KIAA1614: variants seen among roughly 807,000 people sequenced by gnomAD.
KIAA1614 encodes the protein uncharacterized protein KIAA1614.
Under a neutral mutation model 88.7 loss-of-function variants are expected in KIAA1614, and 76 were observed. The ratio of observed to expected loss-of-function variants is 0.86; its 90% CI spans 0.71 to 1.04. The LOEUF is 1.04. Ranked by LOEUF, KIAA1614 falls within the 50% of genes least tolerant of loss-of-function variation. The probability of loss-of-function intolerance (pLI) is 0.00; values close to 1 mark genes in which losing one functional copy is unlikely to be tolerated. For missense variants in KIAA1614, 1,553 were observed against 1,582.5 expected (o/e 0.98, Z 0.32); for synonymous variants, 714 against 675.5 (o/e 1.06, Z -0.88).
chr1:180,925,247 C>G (rs12041548), intron 3 of KIAA1614, among the ~76,000 whole-genome samples: 16,254 of 152,252 alleles, frequency 0.11, 965 homozygotes, highest in African/African-American at 0.16. Flanking sequence ...AGAATCAGTT[C>G]CAGGTGCACC....
intron 3 of KIAA1614, among the ~76,000 whole-genome samples, chr1:180,922,480 T>C (rs1331407439): frequency 6.6e-6 from 1 of 152,074 alleles, no homozygotes; most frequent in Non-Finnish European, 1.5e-5. Context: ...CTGGGATTCC[T>C]TGGGGGGTAA....
At chr1:180,936,720 A>G in intron 5 of KIAA1614, 50 bp downstream of exon 5, 1 of 1,293,450 alleles carries the variant, frequency 7.7e-7, no homozygotes, top group South Asian at 1.5e-5. Flanking sequence ...GTGTGGTTCT[A>G]CAGCAGACGC....
rs1654282299 is a variant in KIAA1614 at position 180,935,019 on chromosome 1, G to A, written c.1206-96G>A. 1.1e-6 allele frequency: 1 copy of A among 905,780 alleles called. No homozygotes were observed. Among genetic ancestry groups the A allele is most frequent in the South Asian group, 5.0e-5 (1 of 20,052 alleles). 56.1% of individuals were successfully genotyped at this position (905,780 alleles called of 1,614,324 possible). On this transcript the variant is annotated intron_variant, in intron 4 of 8. Transcript: ENST00000367588. The surrounding 1 kb of genome is among the most constrained non-coding windows in gnomAD (Gnocchi z 6.1). Reference sequence around the variant, plus strand: ...TTGCGGTTGCCACAGAGCACGGTGGGAGACTGTAGCCCAGGGTGGAGAGGG... The same window carrying A: ...TTGCGGTTGCCACAGAGCACGGTGGAAGACTGTAGCCCAGGGTGGAGAGGG...
intron 4 of KIAA1614, 95 bp downstream of exon 4, chr1:180,928,668 C>A: frequency 1.0e-6 from 1 of 969,856 alleles, no homozygotes. Context: ...GCTGCTGCTG[C>A]TCGCTCCATG....
rs912947088 is a variant in KIAA1614, at chr1:180,939,466, G to A, written c.2918+755G>A. On this transcript the variant is annotated intron_variant, in intron 6 of 8. Coordinates refer to ENST00000367588, the MANE Select transcript of KIAA1614 (RefSeq NM_020950.2). ...GTCTGTCTGCACAGCACACAAGCCCGAATCCAGGAGTCCTGGGCTGCTTCC... is the reference window on the plus strand; with the variant it reads ...GTCTGTCTGCACAGCACACAAGCCCAAATCCAGGAGTCCTGGGCTGCTTCC... 3.9e-5 allele frequency among the ~76,000 whole-genome samples: 6 copies of A among 152,080 alleles called. No individual in the cohort carries two copies. In the South Asian group the frequency reaches 8.3e-4, roughly 21 times the overall value.
intron 3 of KIAA1614, among the ~76,000 whole-genome samples, chr1:180,922,708 A>G (rs1653983341): frequency 1.3e-5 from 2 of 152,222 alleles, no homozygotes; most frequent in African/African-American, 2.4e-5. Context: ...CACAGCACAG[A>G]GCACTTCACC....
rs569670410 is a variant in KIAA1614, at chr1:180,928,246, C to T, written c.1062-184C>T. 1.0e-5 allele frequency: 7 copies of T among 672,218 alleles called. No individual in the cohort carries two copies. The East Asian group carries it at 1.8e-4, about 18-fold the overall frequency. 41.6% of individuals were successfully genotyped at this position (672,218 alleles called of 1,614,324 possible). A position where few individuals can be genotyped will look rare whatever the true frequency, so the allele number is the denominator to read the frequency against. ...AGAGCCACGCAGGGCCATTTCCCAG[C>T]CCCAGGCCCCAGGCCCCAGGCCCCC... On this transcript the variant is annotated intron_variant, in intron 3 of 8. Coordinates refer to ENST00000367588, the MANE Select transcript of KIAA1614 (RefSeq NM_020950.2).
chr1:180,920,920 C>T (rs1268788112), intron 3 of KIAA1614, among the ~76,000 whole-genome samples: 5 of 152,234 alleles, frequency 3.3e-5, no homozygotes, highest in Non-Finnish European at 7.3e-5. Context: ...TAGGCAAAAG[C>T]CCATGCCAGC....
chr1:180,938,753 GA>G (rs1425243441), intron 6 of KIAA1614, 42 bp downstream of exon 6: 2 of 1,600,118 alleles, frequency 1.2e-6, no homozygotes, highest in Admixed American at 3.4e-5. Flanking sequence ...AAGGAGGTGG[GA>G]ATGGGGGCTC....
At chr1:180,938,472 C>CTT in intron 5 of KIAA1614, 83 bp from the exon 6 acceptor site, 1 of 1,466,554 alleles carries the variant, frequency 6.8e-7, no homozygotes, top group Admixed American at 1.9e-5. Context: ...CACCCTCCCC[C>CTT]TGTTGCTGGG....
intron 7 of KIAA1614, among the ~76,000 whole-genome samples, chr1:180,943,828 A>G (rs7528990): frequency 0.95 from 144,825 of 152,074 alleles, 69,352 homozygotes; most frequent in East Asian, 1. Flanking sequence ...GATTACAGGC[A>G]TGAGCCACTG....
chr1:180,945,631 C>A lies in KIAA1614; in HGVS notation c.*43C>A, dbSNP rs1428638727. On this transcript the variant is annotated 3_prime_UTR_variant, in exon 9 of 9. Transcript: ENST00000367588. Reference sequence around the variant, plus strand: ...ATTCAGAAAGCCTCTGACTACAGGACTAGGCTTCTCCCCTCAGGGGCTCTT... The same window carrying A: ...ATTCAGAAAGCCTCTGACTACAGGAATAGGCTTCTCCCCTCAGGGGCTCTT... 6.5e-7 allele frequency: 1 copy of A among 1,541,238 alleles called. No homozygotes were observed. The highest frequency in any genetic ancestry group is 8.7e-7 in the Non-Finnish European group (1 of 1,151,802).
intron 7 of KIAA1614, among the ~76,000 whole-genome samples, chr1:180,943,548 A>AT (rs201999726): frequency 0.22 from 16,364 of 74,870 alleles, 2,994 homozygotes; most frequent in Middle Eastern, 0.33. Context: ...ATGGTAGTAG[A>AT]TCTTTTTTTT....
At chr1:180,918,679 C>T (rs10914133) in intron 3 of KIAA1614, among the ~76,000 whole-genome samples, 28,043 of 151,966 alleles carry the variant, frequency 0.18, 3,804 homozygotes, top group African/African-American at 0.39. Flanking sequence ...GTTGTCAGCC[C>T]CTGCGAGGCC....
chr1:180,938,718 G>T lies in KIAA1614; in HGVS notation c.2918+7G>T. Reference sequence around the variant, plus strand: ...GAGGACATGTGCTGTCAAGGTGAGTGACAGGAGAAAGAGCCAGATTGCAGA... The same window carrying T: ...GAGGACATGTGCTGTCAAGGTGAGTTACAGGAGAAAGAGCCAGATTGCAGA... On this transcript the variant is annotated splice_region_variant and intron_variant, in intron 6 of 8. Coordinates refer to ENST00000367588, the MANE Select transcript of KIAA1614 (RefSeq NM_020950.2). 3.7e-6 allele frequency: 6 copies of T among 1,613,094 alleles called. No individual in the cohort carries two copies. Among genetic ancestry groups the T allele is most frequent in the Non-Finnish European group, 5.1e-6 (6 of 1,179,408 alleles).
At chr1:180,943,193 A>C (rs1558073318) in intron 7 of KIAA1614, among the ~76,000 whole-genome samples, 2 of 151,940 alleles carry the variant, frequency 1.3e-5, no homozygotes, top group African/African-American at 4.8e-5. Flanking sequence ...CAGCCGGCTA[A>C]TTTTTATATT....
intron 3 of KIAA1614, 101 bp from the exon 4 acceptor site, chr1:180,928,329 T>C: frequency 7.6e-7 from 1 of 1,323,076 alleles, no homozygotes. Context: ...GCAGGGCTTT[T>C]TCTGGCACAG....
At position 180,941,202 on chromosome 1, in the gene KIAA1614, A is replaced by G. The variant is rs1463413450; in HGVS notation, c.3076A>G (p.Ser1026Gly). Residue 1026 changes from serine to glycine, a missense_variant, in exon 7 of 9, where the codon AGC (serine) becomes GGC (glycine). Transcript: ENST00000367588. ...CCGGCCCAAGCTGGGCAAGTCCCGC[A>G]GCTACAGTGTGGAGCAGTTGCAGCC... The part of the protein sequence containing the change: ...SSRPKLGKSR[S>G]YSVEQLQPAP... 1 of 1,613,778 alleles carries G rather than the reference A, an allele frequency of 6.2e-7. No individual in the cohort carries two copies. The highest frequency in any genetic ancestry group is 2.2e-5 in the East Asian group (1 of 44,892).
At chr1:180,927,280 G>A (rs1027594810) in intron 3 of KIAA1614, among the ~76,000 whole-genome samples, 8 of 152,124 alleles carry the variant, frequency 5.3e-5, no homozygotes, top group African/African-American at 1.2e-4. Flanking sequence ...CATATGTGAC[G>A]GCGAGGACAG....
Sources: gnomAD v4.1 joint callset for allele counts (sites outside exome capture counted in the v4.1 genomes callset) on GRCh38, gnomAD v4.1.1 for gene constraint, Gnocchi (gnomAD v3.1) non-coding constraint, MANE v1.5 for transcripts, NCBI Gene and HGNC (gene_info 2026-07-23, HGNC 2026-07-21) for gene names.